The following SLMAP variants were observed in gnomAD, a reference collection of about 807,000 sequenced individuals.
SLMAP encodes the protein sarcolemma associated protein, also known as sarcolemmal membrane-associated protein.
A neutral mutation model predicts 128.8 loss-of-function variants in SLMAP; 44 were observed. The observed-to-expected ratio is 0.34, with a 90% CI of 0.27 to 0.44. SLMAP has a LOEUF of 0.44. Ranked by LOEUF, SLMAP falls within the 20% of genes least tolerant of loss-of-function variation. The probability of loss-of-function intolerance (pLI) is 1.00; values close to 1 mark genes in which losing one functional copy is unlikely to be tolerated. For missense variants in SLMAP, 787 were observed against 985.3 expected (o/e 0.80, Z 2.69); for synonymous variants, 327 against 348.8 (o/e 0.94, Z 0.70).
chr3:57,786,772 C>CCCA (rs2084263218), intron 2 of SLMAP, among the ~76,000 whole-genome samples: 9 of 135,566 alleles, frequency 6.6e-5, no homozygotes, highest in South Asian at 2.4e-4. Context: ...CTCGCTCTGT[C>CCCA]GCCCAGGCTG....
intron 4 of SLMAP, among the ~76,000 whole-genome samples, chr3:57,843,747 CCTTT>C (rs2094088316): frequency 6.9e-6 from 1 of 144,052 alleles, no homozygotes; most frequent in African/African-American, 2.6e-5. Flanking sequence ...TCTTTCTCTC[CCTTT>C]CTCTCTCTTT....
At chr3:57,859,509 C>G (rs1013657169) in intron 8 of SLMAP, among the ~76,000 whole-genome samples, 1 of 151,978 alleles carries the variant, frequency 6.6e-6, no homozygotes, top group Non-Finnish European at 1.5e-5. Context: ...GAGTTATGAT[C>G]GCAGAACTGC....
rs532870986 is a variant in SLMAP at position 57,864,612 on chromosome 3, A to G, written c.1031A>G (p.His344Arg). 9.4e-6 allele frequency: 15 copies of G among 1,596,946 alleles called. No individual in the cohort carries two copies. In the African/African-American group the frequency reaches 1.1e-4, roughly 12 times the overall value. ...KGQAEKKELQ[H>R]KIDEMEEKEQ... ...CAGGCTGAGAAAAAAGAATTACAAC[A>G]TAAAATAGATGAAATGGAAGAAAAA... Residue 344 changes from histidine (H) to arginine (R), a missense_variant, in exon 11 of 25, where the codon CAT becomes CGT. His to Arg is a conservative substitution (Grantham distance 29). Coordinates refer to ENST00000671191, the MANE Select transcript of SLMAP (RefSeq NM_001377540.1).
At chr3:57,846,819 A>G (rs2094280589) in intron 4 of SLMAP, among the ~76,000 whole-genome samples, 2 of 152,134 alleles carry the variant, frequency 1.3e-5, no homozygotes, top group African/African-American at 4.8e-5. Flanking sequence ...TCAGCCTCCC[A>G]AAGTGCTGGA....
intron 4 of SLMAP, among the ~76,000 whole-genome samples, chr3:57,841,791 T>C (rs975790673): frequency 6.6e-6 from 1 of 152,150 alleles, no homozygotes; most frequent in Non-Finnish European, 1.5e-5. Context: ...GATACCAATA[T>C]AGTTGTTAGC....
intron 14 of SLMAP, among the ~76,000 whole-genome samples, chr3:57,872,985 C>A (rs115366253): frequency 2.6e-5 from 4 of 152,068 alleles, no homozygotes; most frequent in African/African-American, 7.2e-5. Context: ...ACCTCAGGAG[C>A]GCTTGGGGGT....
intron 17 of SLMAP, among the ~76,000 whole-genome samples, chr3:57,906,301 T>TTTTTTTTCTTTTTTTTTTTTTTTTTCA (rs1491164431): frequency 3.1e-5 from 3 of 95,350 alleles, no homozygotes; most frequent in African/African-American, 1.1e-4. Flanking sequence ...AATTTTTTTC[T>TTTTTTTTCTTTTTTTTTTTTTTTTTCA]TTTTTTTTCT....
intron 6 of SLMAP, among the ~76,000 whole-genome samples, chr3:57,852,872 C>T (rs1291901263): frequency 7.2e-5 from 11 of 152,170 alleles, no homozygotes; most frequent in Admixed American, 4.6e-4. Context: ...CCTTTTCTAG[C>T]TCTTTGAGAT....
At chr3:57,775,128 CA>C (rs2081577126) in intron 2 of SLMAP, among the ~76,000 whole-genome samples, 1 of 151,594 alleles carries the variant, frequency 6.6e-6, no homozygotes, top group South Asian at 2.1e-4. Flanking sequence ...GATCTCGGCT[CA>C]CTGCAAGCTC....
chr3:57,911,957 A>T (rs2096711457), intron 19 of SLMAP, among the ~76,000 whole-genome samples: 1 of 146,834 alleles, frequency 6.8e-6, no homozygotes, highest in Non-Finnish European at 1.5e-5. Context: ...AAAGGATTGT[A>T]TATAGTGTTT....
chr3:57,896,749 A>G, intron 16 of SLMAP, 124 bp from the exon 17 acceptor site: 1 of 1,364,898 alleles, frequency 7.3e-7, no homozygotes, highest in African/African-American at 1.5e-5. Flanking sequence ...TTTTGTTAAA[A>G]CTACTTTCAA....
intron 2 of SLMAP, among the ~76,000 whole-genome samples, chr3:57,807,398 T>G (rs1354221146): frequency 6.6e-6 from 1 of 152,214 alleles, no homozygotes; most frequent in Non-Finnish European, 1.5e-5. Flanking sequence ...GCTTCCAGCT[T>G]TTGCCCATTC....
chr3:57,919,193 C>T (rs559961282), intron 22 of SLMAP, among the ~76,000 whole-genome samples: 2 of 152,174 alleles, frequency 1.3e-5, no homozygotes, highest in South Asian at 4.2e-4. Flanking sequence ...CCAGCCTGAC[C>T]AATATGATGA....
chr3:57,869,630 T>TTATATATATATATATATTA (rs1553900187), intron 13 of SLMAP, among the ~76,000 whole-genome samples: 4 of 75,474 alleles, frequency 5.3e-5, no homozygotes, highest in Non-Finnish European at 7.4e-5. Context: ...CCCATCTCTA[T>TTATATATATATATATATTA]TATATATATA....
intron 3 of SLMAP, among the ~76,000 whole-genome samples, chr3:57,833,925 A>G (rs982522108): frequency 6.6e-6 from 1 of 152,172 alleles, no homozygotes; most frequent in Non-Finnish European, 1.5e-5. Context: ...GTTTAAGGAC[A>G]TACCAGAAAA....
chr3:57,767,773 C>A (rs753143539), intron 2 of SLMAP, among the ~76,000 whole-genome samples: 2 of 151,986 alleles, frequency 1.3e-5, no homozygotes, highest in Non-Finnish European at 2.9e-5. Flanking sequence ...TTTTTTCCCC[C>A]CAAAATGAAA....
At chr3:57,865,151 C>T (rs759629147) in intron 12 of SLMAP, 91 bp from the exon 13 acceptor site, 2 of 690,892 alleles carry the variant, frequency 2.9e-6, no homozygotes, top group Non-Finnish European at 4.8e-6. Flanking sequence ...CAATCTTAAT[C>T]TTAGGAATGC....
chr3:57,796,693 A>G (rs1297738149), intron 2 of SLMAP, among the ~76,000 whole-genome samples: 1 of 152,252 alleles, frequency 6.6e-6, no homozygotes, highest in Non-Finnish European at 1.5e-5. Flanking sequence ...ATGTGTGTAT[A>G]ACAGTTTCAT....
chr3:57,863,264 T>A (rs2095172854), intron 10 of SLMAP, among the ~76,000 whole-genome samples: 1 of 152,150 alleles, frequency 6.6e-6, no homozygotes, highest in Admixed American at 6.5e-5. Context: ...TAGTTGGTCC[T>A]TTAGAATCTT....
Sources: gnomAD v4.1 joint callset for allele counts (sites outside exome capture counted in the v4.1 genomes callset) on GRCh38, gnomAD v4.1.1 for gene constraint, MANE v1.5 for transcripts, NCBI Gene and HGNC (gene_info 2026-07-23, HGNC 2026-07-21) for gene names.